Variants in KCNH8 observed in about 807,000 individuals in gnomAD.
KCNH8 encodes the protein voltage-gated delayed rectifier potassium channel KCNH8.
Under a neutral mutation model 103.6 loss-of-function variants are expected in KCNH8, and 70 were observed. The ratio of observed to expected loss-of-function variants is 0.68; its 90% CI spans 0.56 to 0.82. The LOEUF is 0.82. Among genes scored for constraint, KCNH8 ranks in the 40% least tolerant of loss-of-function variants. The probability of loss-of-function intolerance (pLI) is 0.00; values close to 1 mark genes in which losing one functional copy is unlikely to be tolerated. For missense variants in KCNH8, 1,217 were observed against 1,329.9 expected (o/e 0.92, Z 1.32); for synonymous variants, 498 against 489.4 (o/e 1.02, Z -0.23).
chr3:19,246,761 A>G (rs1369157371), intron 1 of KCNH8, among the ~76,000 whole-genome samples: 1 of 152,054 alleles, frequency 6.6e-6, no homozygotes, highest in African/African-American at 2.4e-5. Flanking sequence ...TCAAACTTTA[A>G]TGTGTATATG....
At chr3:19,358,408 A>G (rs1365042809) in intron 5 of KCNH8, among the ~76,000 whole-genome samples, 2 of 151,800 alleles carry the variant, frequency 1.3e-5, no homozygotes, top group Admixed American at 6.6e-5. Context: ...AAATAAAACT[A>G]TTGTACCACC....
At chr3:19,439,856 C>A (rs1281211100) in intron 8 of KCNH8, among the ~76,000 whole-genome samples, 1 of 150,280 alleles carries the variant, frequency 6.7e-6, no homozygotes, top group African/African-American at 2.5e-5. Context: ...ATAGATATTG[C>A]AAAGAATATA....
intron 4 of KCNH8, among the ~76,000 whole-genome samples, chr3:19,345,729 C>T (rs1360158389): frequency 6.6e-6 from 1 of 151,862 alleles, no homozygotes; most frequent in Non-Finnish European, 1.5e-5. Context: ...TTTTTTCACT[C>T]AGGTGATTAT....
rs532044253 is a variant in KCNH8, at chr3:19,251,660, G to T, written c.77-1994G>T. Among the ~76,000 whole-genome samples, 3 of 152,236 alleles carry T rather than the reference G, an allele frequency of 2.0e-5. No individual in the cohort carries two copies. The East Asian group carries it at 5.8e-4, about 30-fold the overall frequency. On this transcript the variant is annotated intron_variant, in intron 1 of 15. Transcript: ENST00000328405. ...TGGAGTACCTTCTTTCCCATGGCAGGAAAGATAGTCTGTCTGCTGCAAACC... is the reference window on the plus strand; with the variant it reads ...TGGAGTACCTTCTTTCCCATGGCAGTAAAGATAGTCTGTCTGCTGCAAACC...
chr3:19,524,117 T>G (rs2069020960), intron 15 of KCNH8, among the ~76,000 whole-genome samples: 1 of 151,900 alleles, frequency 6.6e-6, no homozygotes. Context: ...AGTAATATCT[T>G]AAGGTAAAGT....
At chr3:19,295,680 G>A (rs1420570226) in intron 3 of KCNH8, among the ~76,000 whole-genome samples, 1 of 152,158 alleles carries the variant, frequency 6.6e-6, no homozygotes, top group African/African-American at 2.4e-5. Flanking sequence ...GTGGAAGCAT[G>A]CTGGGGAATG....
chr3:19,294,184 T>C (rs561362700), intron 3 of KCNH8, among the ~76,000 whole-genome samples: 14 of 152,304 alleles, frequency 9.2e-5, no homozygotes, highest in African/African-American at 3.1e-4. Context: ...TTGTTAAGTT[T>C]ACAAGAATCT....
chr3:19,261,458 T>A (rs1405652855), intron 2 of KCNH8, among the ~76,000 whole-genome samples: 1 of 151,926 alleles, frequency 6.6e-6, no homozygotes. Flanking sequence ...TTCCTTGCCA[T>A]TGAGTTGTAC....
At chr3:19,460,580 A>C (rs1032540992) in intron 11 of KCNH8, among the ~76,000 whole-genome samples, 2 of 152,160 alleles carry the variant, frequency 1.3e-5, no homozygotes, top group African/African-American at 4.8e-5. Context: ...ATGAAATAGC[A>C]AGTGCCTGCA....
chr3:19,225,412 C>CG (rs1439369603), intron 1 of KCNH8, among the ~76,000 whole-genome samples: 2 of 152,040 alleles, frequency 1.3e-5, no homozygotes, highest in Non-Finnish European at 2.9e-5. Flanking sequence ...AGAAATCTTT[C>CG]GATCACATTA....
At chr3:19,160,450 A>G (rs1017982502) in intron 1 of KCNH8, among the ~76,000 whole-genome samples, 2 of 152,136 alleles carry the variant, frequency 1.3e-5, no homozygotes, top group Non-Finnish European at 2.9e-5. Context: ...CACAGTCAAG[A>G]TTTAGAACAA....
intron 11 of KCNH8, among the ~76,000 whole-genome samples, chr3:19,477,610 T>C (rs1327828251): frequency 1.3e-5 from 2 of 152,100 alleles, no homozygotes; most frequent in Non-Finnish European, 2.9e-5. Context: ...ACAGGAATGC[T>C]TGGAATTATG....
intron 7 of KCNH8, among the ~76,000 whole-genome samples, chr3:19,419,805 G>A (rs2066923935): frequency 6.6e-6 from 1 of 151,656 alleles, no homozygotes; most frequent in Non-Finnish European, 1.5e-5. Flanking sequence ...GATACCAGAA[G>A]GTTCAGTCAA....
intron 1 of KCNH8, among the ~76,000 whole-genome samples, chr3:19,160,357 A>G (rs1357379188): frequency 1.3e-5 from 2 of 152,120 alleles, no homozygotes; most frequent in Non-Finnish European, 2.9e-5. Context: ...TTTTTATGAT[A>G]TAATTTACAT....
chr3:19,430,420 G>A (rs1222900742), intron 7 of KCNH8, among the ~76,000 whole-genome samples: 1 of 150,864 alleles, frequency 6.6e-6, no homozygotes, highest in African/African-American at 2.4e-5. Context: ...GTTTTTTTTT[G>A]TTTTTGTTTT....
intron 2 of KCNH8, among the ~76,000 whole-genome samples, chr3:19,276,258 G>A (rs531543062): frequency 8.5e-4 from 129 of 151,488 alleles, no homozygotes; most frequent in African/African-American, 3.0e-3. Context: ...AAACTGGCAA[G>A]CCTGTTATTT....
intron 3 of KCNH8, among the ~76,000 whole-genome samples, chr3:19,332,053 G>GTTT (rs11417836): frequency 2.8e-5 from 4 of 140,804 alleles, no homozygotes; most frequent in Admixed American, 7.1e-5. Context: ...CATTACGTTA[G>GTTT]TTTTTTTTTT....
At chr3:19,168,850 A>G (rs1288613997) in intron 1 of KCNH8, among the ~76,000 whole-genome samples, 1 of 152,198 alleles carries the variant, frequency 6.6e-6, no homozygotes, top group East Asian at 1.9e-4. Flanking sequence ...CATCACTCCA[A>G]TAAAAAAATT....
At chr3:19,506,185 C>A (rs2068689398) in intron 11 of KCNH8, among the ~76,000 whole-genome samples, 1 of 152,082 alleles carries the variant, frequency 6.6e-6, no homozygotes, top group South Asian at 2.1e-4. Context: ...AGTTAGGAAC[C>A]CTTGCTGGGG....
Sources: gnomAD v4.1 joint callset for allele counts (sites outside exome capture counted in the v4.1 genomes callset) on GRCh38, gnomAD v4.1.1 for gene constraint, MANE v1.5 for transcripts, NCBI Gene and HGNC (gene_info 2026-07-23, HGNC 2026-07-21) for gene names.